Variants in LAMA2 observed in about 807,000 individuals in gnomAD.
LAMA2 encodes the protein laminin subunit alpha-2.
LAMA2 carries 269 observed loss-of-function variants against 364.8 expected under a neutral mutation model. That is an observed-to-expected ratio of 0.74 (90% CI 0.67 to 0.82). LAMA2 has a LOEUF of 0.82. Ranked by LOEUF, LAMA2 falls within the 40% of genes least tolerant of loss-of-function variation. The probability of loss-of-function intolerance (pLI) is 0.00; values close to 1 mark genes in which losing one functional copy is unlikely to be tolerated. For synonymous variants in LAMA2, 1,379 were observed against 1,370.6 expected, an observed-to-expected ratio of 1.01 and a Z score of -0.14; for missense variants, 3,807 against 3,873.2, an observed-to-expected ratio of 0.98 and a Z score of 0.45.
intron 14 of LAMA2, among the ~76,000 whole-genome samples, chr6:129,257,820 A>G (rs1786810366): frequency 6.6e-6 from 1 of 152,104 alleles, no homozygotes; most frequent in South Asian, 2.1e-4. Flanking sequence ...TTTATCTTCT[A>G]TGTCAAATCA....
chr6:129,109,683 T>C (rs1225535804), intron 4 of LAMA2, among the ~76,000 whole-genome samples: 2 of 152,082 alleles, frequency 1.3e-5, no homozygotes, highest in Admixed American at 6.6e-5. Context: ...TTGACAGAGA[T>C]ATAGTAATTC....
At chr6:129,241,605 G>A (rs1330846745) in intron 12 of LAMA2, among the ~76,000 whole-genome samples, 1 of 152,144 alleles carries the variant, frequency 6.6e-6, no homozygotes, top group East Asian at 1.9e-4. Flanking sequence ...CAAGGGCCTT[G>A]TAGTGCTTAA....
At chr6:128,896,897 G>A (rs142560062) in intron 1 of LAMA2, among the ~76,000 whole-genome samples, 94 of 152,248 alleles carry the variant, frequency 6.2e-4, no homozygotes, top group Middle Eastern at 6.8e-3. Context: ...AGATCTGCTC[G>A]GTGAGAAATA....
At chr6:128,909,733 G>A (rs1470094685) in intron 1 of LAMA2, among the ~76,000 whole-genome samples, 46 of 151,946 alleles carry the variant, frequency 3.0e-4, no homozygotes, top group African/African-American at 9.7e-4. Context: ...TCCTAGTCTC[G>A]ATGGTCTTTA....
intron 51 of LAMA2, 124 bp downstream of exon 51, chr6:129,465,413 A>T: frequency 1.2e-6 from 1 of 842,000 alleles, no homozygotes; most frequent in South Asian, 1.4e-5. Flanking sequence ...TGAAAAATTT[A>T]TACAGTCATT....
intron 12 of LAMA2, among the ~76,000 whole-genome samples, chr6:129,199,404 A>T (rs537958082): frequency 6.6e-6 from 1 of 152,328 alleles, no homozygotes; most frequent in South Asian, 2.1e-4. Flanking sequence ...TTTAATATAA[A>T]ATGTTCAAAG....
chr6:129,042,237 G>A (rs531699318), intron 1 of LAMA2, among the ~76,000 whole-genome samples: 10 of 152,054 alleles, frequency 6.6e-5, no homozygotes, highest in Non-Finnish European at 1.2e-4. Flanking sequence ...CCTGAGAGGC[G>A]GAGGTTGCAG....
intron 4 of LAMA2, among the ~76,000 whole-genome samples, chr6:129,099,125 G>GTTTTTTTTT (rs370334822): frequency 5.6e-4 from 73 of 129,708 alleles, no homozygotes; most frequent in East Asian, 8.9e-4. Context: ...TTTTTTTTTT[G>GTTTTTTTTT]TTTTTTTTTT....
At position 129,185,953 on chromosome 6, in the gene LAMA2, C is replaced by T. The variant is rs189291239; in HGVS notation, c.1468-4252C>T. On this transcript the variant is annotated intron_variant, in intron 10 of 64. Coordinates refer to ENST00000421865, the MANE Select transcript of LAMA2 (RefSeq NM_000426.4). ...TAATTTCTAGAGTGGAAGTCTGTAG[C>T]GTTCTAGAAATTACCGTGTTTTATA... Among the ~76,000 whole-genome samples the T allele has an allele frequency of 6.0e-3, 906 of 151,660 alleles. 3 individuals are homozygous for T. The highest frequency in any genetic ancestry group is 8.0e-3 in the Non-Finnish European group (542 of 67,730).
At chr6:129,083,019 TA>T (rs1774160528) in intron 3 of LAMA2, among the ~76,000 whole-genome samples, 1 of 152,040 alleles carries the variant, frequency 6.6e-6, no homozygotes, top group Non-Finnish European at 1.5e-5. Context: ...TTTTATCTTA[TA>T]AAAAATAGTT....
Position 129,483,629 on chromosome 6 carries a change from C to T in LAMA2, c.7749+2190C>T, listed in dbSNP as rs535437224. 2.0e-5 allele frequency among the ~76,000 whole-genome samples: 3 copies of T among 152,196 alleles called. No homozygotes were observed. In the East Asian group the frequency reaches 5.8e-4, roughly 29 times the overall value. ...CACCTTATTTTTCTGTGAATCATGA[C>T]AGCTTATTCTAAAATTTATATCAAA... On this transcript the variant is annotated intron_variant, in intron 55 of 64. Transcript: ENST00000421865.
At chr6:128,965,822 T>C (rs1215972796) in intron 1 of LAMA2, among the ~76,000 whole-genome samples, 3 of 151,980 alleles carry the variant, frequency 2.0e-5, no homozygotes, top group Non-Finnish European at 2.9e-5. Flanking sequence ...CAGCAATCTT[T>C]AAATCCTGCT....
At chr6:129,470,252 T>C (rs1583826075) in intron 51 of LAMA2, among the ~76,000 whole-genome samples, 4 of 151,810 alleles carry the variant, frequency 2.6e-5, no homozygotes, top group Admixed American at 2.6e-4. Flanking sequence ...CAAAAAAAAG[T>C]AAGTTAAGTA....
At position 129,137,255 on chromosome 6, in the gene LAMA2, GA is replaced by G. The variant is rs751190269; in HGVS notation, c.640-6634del. Among the ~76,000 whole-genome samples, 492 of 140,106 alleles carry G rather than the reference GA, an allele frequency of 3.5e-3. 2 individuals are homozygous for G. The highest frequency in any genetic ancestry group is 8.4e-3 in the African/African-American group (323 of 38,418). 91.9% of individuals were successfully genotyped at this position (140,106 alleles called of 152,430 possible). A position where few individuals can be genotyped will look rare whatever the true frequency, so the allele number is the denominator to read the frequency against. On this transcript the variant is annotated intron_variant, in intron 4 of 64. Transcript: ENST00000421865. ...TCGTGTAAATTTCTAGTGACAGTAG[GA>G]AAAAAAAAAAAGACCTTTATTAAAG...
rs1415474724 is a variant in LAMA2, at chr6:129,288,032, A to G, written c.2723A>G (p.Asp908Gly). 6.2e-7 allele frequency: 1 copy of G among 1,614,026 alleles called. No homozygotes were observed. ...CTCTGTGCTGATGGATATTTTGGAG[A>G]TGCAGTTGATGCGAAGAACTGTCAG... is the stretch of plus-strand genomic sequence containing the variant. ...CELCADGYFG[D>G]AVDAKNCQPC... is the part of the protein sequence containing the mutation. Residue 908 changes from aspartate to glycine, a missense_variant, in exon 19 of 65, where the codon GAT becomes GGT. Coordinates refer to ENST00000421865, the MANE Select transcript of LAMA2 (RefSeq NM_000426.4).
At chr6:129,145,809 C>T (rs1778399800) in intron 5 of LAMA2, among the ~76,000 whole-genome samples, 1 of 151,818 alleles carries the variant, frequency 6.6e-6, no homozygotes, top group African/African-American at 2.4e-5. Context: ...GACTCAAAAG[C>T]AAAGCATTAT....
intron 15 of LAMA2, among the ~76,000 whole-genome samples, chr6:129,261,875 A>G (rs1189123507): frequency 2.0e-5 from 3 of 152,118 alleles, no homozygotes; most frequent in Non-Finnish European, 2.9e-5. Flanking sequence ...TGAGAGAAAA[A>G]TAATTATGGA....
chr6:129,439,825 C>CATATATATATATATATATATATAT (rs5879948), intron 42 of LAMA2, among the ~76,000 whole-genome samples: 2 of 123,680 alleles, frequency 1.6e-5, no homozygotes, highest in African/African-American at 3.6e-5. Flanking sequence ...ATCAATTGGT[C>CATATATATATATATATATATATAT]ATATATATAT....
chr6:129,138,977 G>A (rs1360994845), intron 4 of LAMA2, among the ~76,000 whole-genome samples: 1 of 152,070 alleles, frequency 6.6e-6, no homozygotes, highest in Non-Finnish European at 1.5e-5. Context: ...GTGTGTCCTG[G>A]AAGTCAGTGG....
Sources: allele counts gnomAD v4.1 joint callset (sites outside exome capture counted in the v4.1 genomes callset), GRCh38; gene constraint gnomAD v4.1.1; transcripts MANE v1.5; gene names NCBI Gene and HGNC (gene_info 2026-07-23, HGNC 2026-07-21).